Variants in BTBD8 observed in about 807,000 individuals in gnomAD.
BTBD8 encodes the protein BTB domain containing 8.
A neutral mutation model predicts 162.9 loss-of-function variants in BTBD8; 110 were observed. The ratio of observed to expected loss-of-function variants is 0.68; its 90% CI spans 0.58 to 0.79. The LOEUF is 0.79. Ranked by LOEUF, BTBD8 falls within the 30% of genes least tolerant of loss-of-function variation. The probability of loss-of-function intolerance (pLI) is 0.00; values close to 1 mark genes in which losing one functional copy is unlikely to be tolerated. For synonymous variants in BTBD8, 667 were observed against 716.1 expected, an observed-to-expected ratio of 0.93 and a Z score of 1.10; for missense variants, 1,905 against 2,085.4, an observed-to-expected ratio of 0.91 and a Z score of 1.68.
chr1:92,130,086 AG>A (rs1649473532), intron 5 of BTBD8, among the ~76,000 whole-genome samples: 1 of 152,206 alleles, frequency 6.6e-6, no homozygotes, highest in African/African-American at 2.4e-5. Context: ...GTGTCTGATG[AG>A]GGCTCTGCCC....
chr1:92,147,853 C>T (rs746375846), intron 9 of BTBD8, 67 bp downstream of exon 9: 15 of 1,287,054 alleles, frequency 1.2e-5, no homozygotes, highest in South Asian at 9.2e-5. Flanking sequence ...TTGTATAGTA[C>T]TTTCAGTGGT....
chr1:92,182,772 C>T (rs1570764365), intron 17 of BTBD8, among the ~76,000 whole-genome samples, 177 bp downstream of exon 17: 1 of 151,814 alleles, frequency 6.6e-6, no homozygotes, highest in Non-Finnish European at 1.5e-5. Context: ...TTATTGTTCA[C>T]TTAAAATCCT....
chr1:92,139,584 G>A, intron 6 of BTBD8, 154 bp downstream of exon 6: 1 of 1,277,262 alleles, frequency 7.8e-7, no homozygotes, highest in South Asian at 3.0e-5. Context: ...AAAACAATAA[G>A]CAAATCATCT....
chr1:92,114,871 C>T (rs1224184087), intron 4 of BTBD8: 4 of 331,378 alleles, frequency 1.2e-5, no homozygotes, highest in Non-Finnish European at 2.3e-5. Context: ...CATTGTCATG[C>T]TGGGAAATGA....
At chr1:92,140,958 C>T (rs751768377) in intron 6 of BTBD8, among the ~76,000 whole-genome samples, 157 bp from the exon 7 acceptor site, 18 of 152,134 alleles carry the variant, frequency 1.2e-4, no homozygotes, top group Middle Eastern at 3.2e-3. Context: ...TGTTTATAAT[C>T]CATAAAGGGT....
chr1:92,159,174 CTT>C (rs567328682), intron 9 of BTBD8, among the ~76,000 whole-genome samples: 3 of 142,144 alleles, frequency 2.1e-5, no homozygotes, highest in African/African-American at 5.2e-5. Flanking sequence ...TTCTTTCTTT[CTT>C]TTTTTTTTTT....
chr1:92,163,482 A>C (rs572564736), intron 9 of BTBD8, among the ~76,000 whole-genome samples: 1 of 152,010 alleles, frequency 6.6e-6, no homozygotes, highest in Non-Finnish European at 1.5e-5. Context: ...ATAACTGGAA[A>C]GATAAGGGAA....
At chr1:92,174,900 G>T (rs1650662154) in intron 13 of BTBD8, among the ~76,000 whole-genome samples, 1 of 151,862 alleles carries the variant, frequency 6.6e-6, no homozygotes, top group African/African-American at 2.4e-5. Flanking sequence ...GTATTTTTTT[G>T]TGTGCACCCA....
chr1:92,169,144 C>A (rs796575290), intron 12 of BTBD8, 149 bp downstream of exon 12: 1 of 687,256 alleles, frequency 1.5e-6, no homozygotes, highest in Non-Finnish European at 2.2e-6. Flanking sequence ...TATGTTTAGG[C>A]AGTTTTAATA....
intron 11 of BTBD8, 71 bp downstream of exon 11, chr1:92,168,056 T>G: frequency 7.2e-7 from 1 of 1,384,992 alleles, no homozygotes; most frequent in Non-Finnish European, 9.8e-7. Context: ...TATGTGCATT[T>G]TAAATGTTGC....
At chr1:92,108,361 T>C (rs1648797762) in intron 4 of BTBD8, among the ~76,000 whole-genome samples, 2 of 152,260 alleles carry the variant, frequency 1.3e-5, no homozygotes, top group Non-Finnish European at 2.9e-5. Flanking sequence ...GCCACTGTCA[T>C]AGAAAATGTA....
chr1:92,142,893 G>A (rs1262031556), intron 7 of BTBD8, among the ~76,000 whole-genome samples: 2 of 152,168 alleles, frequency 1.3e-5, no homozygotes, highest in African/African-American at 4.8e-5. Flanking sequence ...ATTAAGTAAG[G>A]TGACCAGAGC....
rs75375992 is a variant in BTBD8 at position 92,182,379 on chromosome 1, A to T, written c.4696A>T (p.Ile1566Phe). Residue 1566 changes from isoleucine (I) to phenylalanine (F), a missense_variant, in exon 17 of 18, where the codon ATT becomes TTT. Ile to Phe is a conservative substitution (Grantham distance 21). Coordinates refer to ENST00000636805, the MANE Select transcript of BTBD8 (RefSeq NM_001376131.1). ...CAATGGAAGCAATGTGGAAAATGAC[A>T]TTCAGCAACGCAGCAAATTCTTGGA... ...VNNGSNVEND[I>F]QQRSKFLDSD... 4 of 1,549,738 alleles carry T rather than the reference A, an allele frequency of 2.6e-6. No individual in the cohort carries two copies. The African/African-American group carries it at 5.5e-5, about 21-fold the overall frequency.
At chr1:92,160,338 T>A (rs1261577934) in intron 9 of BTBD8, among the ~76,000 whole-genome samples, 8 of 152,174 alleles carry the variant, frequency 5.3e-5, no homozygotes, top group Non-Finnish European at 1.0e-4. Flanking sequence ...CTAAATCATA[T>A]ATCTCAATTT....
At chr1:92,139,170 A>G (rs533433577) in intron 5 of BTBD8, among the ~76,000 whole-genome samples, 180 bp from the exon 6 acceptor site, 5 of 152,214 alleles carry the variant, frequency 3.3e-5, no homozygotes, top group African/African-American at 1.2e-4. Flanking sequence ...ATAAAAATCC[A>G]TTGTTGTAGT....
intron 4 of BTBD8, among the ~76,000 whole-genome samples, chr1:92,120,286 A>G (rs1402333143): frequency 1.3e-5 from 2 of 152,224 alleles, no homozygotes; most frequent in Non-Finnish European, 2.9e-5. Context: ...AGGCCTACAC[A>G]GAGCCAGGAT....
intron 4 of BTBD8, among the ~76,000 whole-genome samples, chr1:92,110,211 A>G (rs778238797): frequency 3.3e-5 from 5 of 152,220 alleles, no homozygotes; most frequent in Non-Finnish European, 5.9e-5. Context: ...TGGTGGCACA[A>G]CTAAGCCAAA....
intron 5 of BTBD8, among the ~76,000 whole-genome samples, chr1:92,130,095 C>T (rs1047667596): frequency 1.3e-4 from 20 of 152,154 alleles, no homozygotes; most frequent in Non-Finnish European, 2.4e-4. Context: ...GAGGGCTCTG[C>T]CCCTGGGTTG....
At position 92,154,777 on chromosome 1, in the gene BTBD8, G is replaced by A. The variant is rs150812552; in HGVS notation, c.1122+6991G>A. 4.0e-3 allele frequency among the ~76,000 whole-genome samples: 601 copies of A among 152,130 alleles called. 7 individuals are homozygous for A. The highest frequency in any genetic ancestry group is 0.017 in the Middle Eastern group (5 of 294). On this transcript the variant is annotated intron_variant, in intron 9 of 17. Transcript: ENST00000636805. ...TTGCTGTATGGAGGCTTTTTAATTT[G>A]ATGTAGTTTCACTCGTTTATGTTTG... is the stretch of plus-strand genomic sequence containing the variant.
Sources: gnomAD v4.1 joint callset for allele counts (sites outside exome capture counted in the v4.1 genomes callset) on GRCh38, gnomAD v4.1.1 for gene constraint, MANE v1.5 for transcripts, NCBI Gene and HGNC (gene_info 2026-07-23, HGNC 2026-07-21) for gene names.